RGS9: variants seen among roughly 807,000 people sequenced by gnomAD.
The protein encoded by RGS9 is regulator of G-protein signalling 9.
A neutral mutation model predicts 102.0 loss-of-function variants in RGS9; 78 were observed. That is an observed-to-expected ratio of 0.76 (90% confidence interval 0.64 to 0.92). RGS9 has a LOEUF of 0.92. Among genes scored for constraint, RGS9 ranks in the 40% least tolerant of loss-of-function variants. The pLI, the probability that RGS9 is intolerant of heterozygous loss-of-function variation, is 0.00. For synonymous variants in RGS9, 353 were observed against 318.6 expected (o/e 1.11, Z -1.15); for missense variants, 833 against 866.1 (o/e 0.96, Z 0.48).
chr17:65,168,064 T>G lies in RGS9; in HGVS notation c.501-136T>G, dbSNP rs1049082127. 15 of 674,724 alleles carry G rather than the reference T, an allele frequency of 2.2e-5. No individual in the cohort carries two copies. The African/African-American group carries it at 2.3e-4, about 10-fold the overall frequency. 41.8% of individuals were successfully genotyped at this position (674,724 alleles called of 1,614,324 possible). A position where few individuals can be genotyped will look rare whatever the true frequency, so the allele number is the denominator to read the frequency against. The stretch of plus-strand genomic sequence containing the variant: ...TTAAGTGAGATGTCAGTGCTTGCTG[T>G]GTTCATTACTATTACGGTATATGTG... On this transcript the variant is annotated intron_variant, in intron 7 of 18. Transcript: ENST00000262406.
At position 65,189,219 on chromosome 17, in the gene RGS9, A is replaced by G. The variant is rs1023609698; in HGVS notation, c.655-67A>G. ...TCATGGGGAAGGATTTTTATTTTTC[A>G]AATGGGTGTTTGAACTGTAATGATT... is the stretch of plus-strand genomic sequence containing the variant. On this transcript the variant is annotated intron_variant, in intron 9 of 18. Coordinates refer to ENST00000262406, the MANE Select transcript of RGS9 (RefSeq NM_003835.4). 41 of 1,352,546 alleles carry G rather than the reference A, an allele frequency of 3.0e-5. No homozygotes were observed. The Admixed American group carries it at 7.1e-4, about 23-fold the overall frequency. 83.8% of individuals were successfully genotyped at this position (1,352,546 alleles called of 1,614,324 possible). A position where few individuals can be genotyped will look rare whatever the true frequency, so the allele number is the denominator to read the frequency against.
intron 9 of RGS9, among the ~76,000 whole-genome samples, chr17:65,187,593 T>C (rs1912171716): frequency 6.6e-6 from 1 of 152,238 alleles, no homozygotes; most frequent in African/African-American, 2.4e-5. Flanking sequence ...AGTGTTTATT[T>C]TGCTGACTGC....
chr17:65,178,461 A>G lies in RGS9; in HGVS notation c.654+658A>G, dbSNP rs572883870. Among the ~76,000 whole-genome samples, 15 of 150,334 alleles carry G rather than the reference A, an allele frequency of 1.0e-4. No homozygotes were observed. In the South Asian group the frequency reaches 2.7e-3, roughly 27 times the overall value. On this transcript the variant is annotated intron_variant, in intron 9 of 18. Transcript: ENST00000262406. ...CATGGCCCTATTGACATTTTGGGCC[A>G]GATAATTCTTTTTTTTTCCTATTTA... is the stretch of plus-strand genomic sequence containing the variant.
At chr17:65,200,243 G>C (rs533219054) in intron 13 of RGS9, among the ~76,000 whole-genome samples, 1 of 152,148 alleles carries the variant, frequency 6.6e-6, no homozygotes, top group South Asian at 2.1e-4. Context: ...TGTTTGTCAG[G>C]CTGGTCTCGA....
chr17:65,215,477 TATCTTTCTTTCGTTCTTTCGTTCTTTC>T (rs1913464894), intron 17 of RGS9, among the ~76,000 whole-genome samples: 1 of 126,748 alleles, frequency 7.9e-6, no homozygotes, highest in African/African-American at 3.5e-5. Context: ...TTTCTTTCTC[TATCTTTCTTTCGTTCTTTCGTTCTTTC>T]TTTCTTTCTT....
rs752872344 is a variant in RGS9, at chr17:65,193,534, C to T, written c.747-9C>T. ...GCTTCTAGGAAATCATTTTCTGTTTCCTTTTCAGGATTGTGAAATACAGTG... is the reference window on the plus strand; with the variant it reads ...GCTTCTAGGAAATCATTTTCTGTTTTCTTTTCAGGATTGTGAAATACAGTG... On this transcript the variant is annotated splice_polypyrimidine_tract_variant and intron_variant, in intron 11 of 18. Coordinates refer to ENST00000262406, the MANE Select transcript of RGS9 (RefSeq NM_003835.4). The T allele has an allele frequency of 1.3e-6, 2 of 1,582,290 alleles. No homozygotes were observed. The highest frequency in any genetic ancestry group is 4.5e-5 in the East Asian group (2 of 44,684).
At chr17:65,226,472 A>G (rs1375552254) in intron 18 of RGS9, among the ~76,000 whole-genome samples, 4 of 152,052 alleles carry the variant, frequency 2.6e-5, no homozygotes, top group Non-Finnish European at 5.9e-5. Context: ...GAGTGTGTCT[A>G]TTGATTTTTC....
chr17:65,184,217 T>C (rs997358247), intron 9 of RGS9, among the ~76,000 whole-genome samples: 2 of 152,268 alleles, frequency 1.3e-5, no homozygotes, highest in African/African-American at 4.8e-5. Context: ...AACTTCGTTT[T>C]AACATAATGT....
intron 14 of RGS9, among the ~76,000 whole-genome samples, chr17:65,203,131 C>G (rs1396698430): frequency 6.6e-6 from 1 of 152,224 alleles, no homozygotes. Context: ...GATTGCAACA[C>G]CCCGGTTTCC....
chr17:65,170,883 C>T (rs1485351536), intron 8 of RGS9, among the ~76,000 whole-genome samples: 1 of 152,162 alleles, frequency 6.6e-6, no homozygotes, highest in African/African-American at 2.4e-5. Context: ...TCTTAAAATT[C>T]TCCCCATCTC....
In RGS9 at chr17:65,225,329, G is replaced by T. The variant is rs777687534; in HGVS notation, c.1735G>T (p.Ala579Ser). 6.2e-7 allele frequency: 1 copy of T among 1,610,944 alleles called. No individual in the cohort carries two copies. Among genetic ancestry groups the T allele is most frequent in the Non-Finnish European group, 8.5e-7 (1 of 1,180,016 alleles). ...RPRAPPKARM[A>S]LSFSRFLRRG... ...CAGGGCCCCTCCTAAGGCCCGCATG[G>T]CTCTGTCCTTCAGCAGGTTTCTGAG... Residue 579 changes from alanine to serine, a missense_variant, in exon 18 of 19, where the codon GCT becomes TCT. This residue lies in a region of RGS9 where 320 missense variants were observed against 276.8 expected (regional missense o/e 1.16). Transcript: ENST00000262406.
At chr17:65,206,527 AATT>A (rs1359142255) in intron 15 of RGS9, among the ~76,000 whole-genome samples, 3 of 152,164 alleles carry the variant, frequency 2.0e-5, no homozygotes, top group African/African-American at 7.2e-5. Flanking sequence ...AAAATACAAA[AATT>A]AGCTGGGCGT....
intron 2 of RGS9, among the ~76,000 whole-genome samples, 158 bp downstream of exon 2, chr17:65,153,676 G>A (rs527301711): frequency 6.6e-6 from 1 of 152,212 alleles, no homozygotes; most frequent in Admixed American, 6.5e-5. Flanking sequence ...TGGATCACAA[G>A]GTCAGGAGAT....
intron 9 of RGS9, among the ~76,000 whole-genome samples, chr17:65,179,067 CAA>C (rs879309429): frequency 6.6e-5 from 10 of 152,152 alleles, no homozygotes; most frequent in Non-Finnish European, 1.5e-4. Flanking sequence ...TGCTTTCTGT[CAA>C]ACATTGTCTT....
chr17:65,144,885 A>G (rs954930764), intron 1 of RGS9, among the ~76,000 whole-genome samples: 7 of 152,142 alleles, frequency 4.6e-5, no homozygotes, highest in Non-Finnish European at 1.0e-4. Context: ...CTTTGCTGAC[A>G]GTTCTGGAGG....
chr17:65,180,261 T>C (rs1354955358), intron 9 of RGS9, among the ~76,000 whole-genome samples: 1 of 152,180 alleles, frequency 6.6e-6, no homozygotes, highest in Non-Finnish European at 1.5e-5. Flanking sequence ...CTTTGGATTT[T>C]TGTCTCACTT....
chr17:65,215,343 T>C (rs951767036), intron 17 of RGS9, among the ~76,000 whole-genome samples: 2 of 152,056 alleles, frequency 1.3e-5, no homozygotes, highest in Admixed American at 6.6e-5. Flanking sequence ...AGAAAGGTAT[T>C]GATTATGAAA....
At position 65,190,256 on chromosome 17, in the gene RGS9, A is replaced by T. The variant is rs1340154246; in HGVS notation, c.746+20A>T. 6.2e-7 allele frequency: 1 copy of T among 1,600,634 alleles called. No homozygotes were observed. The highest frequency in any genetic ancestry group is 2.2e-5 in the East Asian group (1 of 44,842). ...GGGAGGGTATGTCCCTGATTTGTTG[A>T]TCTTGCTAAAGTCTGATGAACAGGT... On this transcript the variant is annotated intron_variant, in intron 11 of 18. Coordinates refer to ENST00000262406, the MANE Select transcript of RGS9 (RefSeq NM_003835.4).
At chr17:65,137,734 C>A (rs1226861000) in intron 1 of RGS9, 137 bp downstream of exon 1, 4 of 740,352 alleles carry the variant, frequency 5.4e-6, no homozygotes, top group African/African-American at 5.2e-5. Context: ...TAAGTGACTT[C>A]TTTGCTGTGT....
Sources: allele counts gnomAD v4.1 joint callset (sites outside exome capture counted in the v4.1 genomes callset), GRCh38; gene constraint gnomAD v4.1.1; regional missense constraint gnomAD v4.1.1; transcripts MANE v1.5; gene names NCBI Gene and HGNC (gene_info 2026-07-23, HGNC 2026-07-21).